CMA1: variants seen among roughly 807,000 people sequenced by gnomAD.
The protein encoded by CMA1 is chymase.
Under a neutral mutation model 18.8 loss-of-function variants are expected in CMA1, and 24 were observed. That is an observed-to-expected ratio of 1.28 (90% CI 0.92 to 1.80). The LOEUF (loss-of-function observed/expected upper bound fraction) is 1.80. Among genes scored for constraint, CMA1 ranks in the 40% most tolerant of loss-of-function variants. The probability of loss-of-function intolerance (pLI) is 0.00; values close to 1 mark genes in which losing one functional copy is unlikely to be tolerated. For synonymous variants in CMA1, 152 were observed against 117.0 expected (o/e 1.30, Z -1.93); for missense variants, 421 against 302.8 (o/e 1.39, Z -2.90).
At chr14:24,505,978 C>T in intron 4 of CMA1, 50 bp downstream of exon 4, 1 of 1,598,018 alleles carries the variant, frequency 6.3e-7, no homozygotes. Context: ...TAAGAGCATT[C>T]TGGTCCCTGA....
intron 2 of CMA1, 127 bp downstream of exon 2, chr14:24,507,229 G>C: frequency 9.0e-7 from 1 of 1,110,790 alleles, no homozygotes; most frequent in Non-Finnish European, 1.4e-6. Flanking sequence ...TTCAGCCCAA[G>C]TCTTCCCTCT....
In CMA1 at chr14:24,507,339, A is replaced by C. The variant is rs2043865931; in HGVS notation, c.209+17T>G. 1 of 1,613,950 alleles carries C rather than the reference A, an allele frequency of 6.2e-7. No homozygotes were observed. The highest frequency in any genetic ancestry group is 8.5e-7 in the Non-Finnish European group (1 of 1,179,962). ...GTTCATCTCCCATTTGGAGATAAAT[A>C]GACCCTGTTGTCTCACCTTCCTGCA... On this transcript the variant is annotated intron_variant, in intron 2 of 4. Transcript: ENST00000250378.
chr14:24,507,376 C>G lies in CMA1; in HGVS notation c.189G>C (p.Thr63=). Residue 63 remains threonine (T), a synonymous_variant, in exon 2 of 5, where the codon ACG becomes ACC. Coordinates refer to ENST00000250378, the MANE Select transcript of CMA1 (RefSeq NM_001836.5). The part of the protein sequence containing the change: ...GFLIRRNFVL[T]AAHCAGRSIT... ...CTCACCTTCCTGCACAATGAGCAGC[C>G]GTCAGCACAAAGTTCCGTCTTATAA... The G allele has an allele frequency of 6.2e-7, 1 of 1,614,114 alleles. No individual in the cohort carries two copies. The highest frequency in any genetic ancestry group is 1.6e-4 in the Middle Eastern group (1 of 6,062).
intron 2 of CMA1, 120 bp downstream of exon 2, chr14:24,507,236 C>T: frequency 8.4e-7 from 1 of 1,184,712 alleles, no homozygotes; most frequent in South Asian, 1.3e-5. Flanking sequence ...CAAGTCTTCC[C>T]TCTCCTGAAA....
chr14:24,506,218 A>T lies in CMA1; in HGVS notation c.410T>A (p.Phe137Tyr). The change falls in exon 4 of 5, where the codon TTT (phenylalanine) becomes TAT (tyrosine). Residue 137 changes from phenylalanine (F) to tyrosine (Y), a missense_variant. By Grantham distance (22) the Phe-to-Tyr change is conservative. Transcript: ENST00000250378. The part of the protein sequence containing the change: ...GTLPFPSQFN[F>Y]VPPGRMCRVA... ...CCGGCACATTCTCCCAGGTGGGACAAAGTTGAATTGGGATGGGAAGGGGAG... is the reference window on the plus strand; with the variant it reads ...CCGGCACATTCTCCCAGGTGGGACATAGTTGAATTGGGATGGGAAGGGGAG... The T allele has an allele frequency of 6.2e-7, 1 of 1,614,152 alleles. No individual in the cohort carries two copies. The highest frequency in any genetic ancestry group is 8.5e-7 in the Non-Finnish European group (1 of 1,180,020).
At position 24,506,473 on chromosome 14, in the gene CMA1, A is replaced by AG; in HGVS notation, c.340dup (p.Leu114ProfsTer69). The AG allele has an allele frequency of 1.2e-6, 2 of 1,614,184 alleles. No homozygotes were observed. The highest frequency in any genetic ancestry group is 1.7e-6 in the Non-Finnish European group (2 of 1,180,024). ...GGAGAAGAGAGGTGTTGTCACCTTT[A>AG]GTAACATGATATCGTGGTGAAGAGT... On this transcript the variant is annotated frameshift_variant, in exon 3 of 5. Coordinates refer to ENST00000250378, the MANE Select transcript of CMA1 (RefSeq NM_001836.5). LOFTEE classifies it high-confidence loss of function.
intron 1 of CMA1, among the ~76,000 whole-genome samples, 191 bp from the exon 2 acceptor site, chr14:24,507,697 C>G (rs1000638219): frequency 2.0e-5 from 3 of 152,154 alleles, no homozygotes; most frequent in Non-Finnish European, 4.4e-5. Flanking sequence ...AAATCTCATT[C>G]TTGCCTCTGC....
intron 4 of CMA1, 24 bp downstream of exon 4, chr14:24,506,004 G>T: frequency 1.2e-6 from 2 of 1,611,804 alleles, no homozygotes; most frequent in Non-Finnish European, 8.5e-7. Flanking sequence ...GAGTTTTGGA[G>T]AGGAAACCTA....
chr14:24,506,858 G>A (rs1273325613), intron 2 of CMA1, among the ~76,000 whole-genome samples: 3 of 152,160 alleles, frequency 2.0e-5, no homozygotes, highest in African/African-American at 7.2e-5. Flanking sequence ...GAGGACTCAG[G>A]GGACAGGGTT....
At chr14:24,505,981 G>A in intron 4 of CMA1, 47 bp downstream of exon 4, 3 of 1,601,290 alleles carry the variant, frequency 1.9e-6, no homozygotes, top group South Asian at 2.3e-5. Context: ...GAGCATTCTG[G>A]TCCCTGAACA....
Position 24,507,472 on chromosome 14 carries a change from A to G in CMA1, c.93T>C (p.His31=). 6.2e-7 allele frequency: 1 copy of G among 1,614,160 alleles called. No individual in the cohort carries two copies. The highest frequency in any genetic ancestry group is 8.5e-7 in the Non-Finnish European group (1 of 1,180,006). The part of the protein sequence containing the change: ...EIIGGTECKP[H]SRPYMAYLEI... ...CCAGGTAGGCCATGTAGGGGCGGGA[A>G]TGTGGCTTGCATTCTGTGCCCCCGA... Residue 31 remains histidine, a synonymous_variant, in exon 2 of 5, where the codon CAT becomes CAC. Transcript: ENST00000250378.
At chr14:24,505,682 A>C in intron 4 of CMA1, 23 bp from the exon 5 acceptor site, 1 of 1,583,524 alleles carries the variant, frequency 6.3e-7, no homozygotes, top group Non-Finnish European at 8.6e-7. Flanking sequence ...GAGAGAGAGA[A>C]GAAGGTGAGC....
In CMA1 at chr14:24,507,224, CCCAAGTCTTCCCTCT is replaced by C. The variant is rs1307751998; in HGVS notation, c.209+117_209+131del. ...TCAAACACAGACTAAAGTCTTTCAG[CCCAAGTCTTCCCTCT>C]CCTGAAAGTTGACAAGACCCAGGAC... On this transcript the variant is annotated intron_variant, in intron 2 of 4. Transcript: ENST00000250378. 2.8e-6 allele frequency: 3 copies of C among 1,054,378 alleles called. No individual in the cohort carries two copies. The African/African-American group carries it at 4.7e-5, about 17-fold the overall frequency. The allele number at this position is 1,054,378 out of a possible 1,614,324, so 65.3% of individuals were successfully genotyped here.
intron 1 of CMA1, among the ~76,000 whole-genome samples, 163 bp from the exon 2 acceptor site, chr14:24,507,669 C>T (rs1012075848): frequency 6.6e-6 from 1 of 152,216 alleles, no homozygotes. Context: ...TCTTTCCCCA[C>T]CCATAACCTC....
intron 3 of CMA1, 84 bp downstream of exon 3, chr14:24,506,385 C>T (rs2043856888): frequency 1.3e-6 from 2 of 1,595,184 alleles, no homozygotes; most frequent in South Asian, 2.3e-5. Flanking sequence ...TAGCCAAGTC[C>T]TAAGAAAAAT....
At chr14:24,505,749 A>G (rs573099074) in intron 4 of CMA1, 90 bp from the exon 5 acceptor site, 19 of 1,483,094 alleles carry the variant, frequency 1.3e-5, no homozygotes, top group African/African-American at 1.4e-5. Context: ...TGAGACCTAA[A>G]GTCAGACGCA....
chr14:24,505,456 C>A lies in CMA1; in HGVS notation c.*60G>T. 6.2e-7 allele frequency: 1 copy of A among 1,609,934 alleles called. No individual in the cohort carries two copies. The highest frequency in any genetic ancestry group is 8.5e-7 in the Non-Finnish European group (1 of 1,176,922). On this transcript the variant is annotated 3_prime_UTR_variant, in exon 5 of 5. Transcript: ENST00000250378. ...CAAGGGTAGACCAGAATGAGTGGCA[C>A]ACACTTTGCTGCTCAGGTCCAGTTC...
chr14:24,506,453 AG>A lies in CMA1; in HGVS notation c.345+15del, dbSNP rs1305671658. 1 of 1,613,898 alleles carries A rather than the reference AG, an allele frequency of 6.2e-7. No individual in the cohort carries two copies. The highest frequency in any genetic ancestry group is 8.5e-7 in the Non-Finnish European group (1 of 1,179,878). Reference sequence around the variant, plus strand: ...GGAGAATGGGAAGTGGAAAGGGAGAAGAGAGGTGTTGTCACCTTTAGTAACA... The same window carrying A: ...GGAGAATGGGAAGTGGAAAGGGAGAAAGAGGTGTTGTCACCTTTAGTAACA... On this transcript the variant is annotated intron_variant, in intron 3 of 4. Transcript: ENST00000250378.
intron 1 of CMA1, among the ~76,000 whole-genome samples, chr14:24,507,928 T>A (rs548699591): frequency 6.6e-6 from 1 of 152,062 alleles, no homozygotes; most frequent in Admixed American, 6.5e-5. Context: ...CCCCTTTTCC[T>A]TCCACTTGCT....
Sources: gnomAD v4.1 joint callset for allele counts (sites outside exome capture counted in the v4.1 genomes callset) on GRCh38, gnomAD v4.1.1 for gene constraint, MANE v1.5 for transcripts, NCBI Gene and HGNC (gene_info 2026-07-23, HGNC 2026-07-21) for gene names.